The following ZCCHC14 variants were observed in gnomAD, a reference collection of about 807,000 sequenced individuals.
ZCCHC14 encodes the protein zinc finger CCHC domain-containing protein 14.
Under a neutral mutation model 85.0 loss-of-function variants are expected in ZCCHC14, and 16 were observed. That is an observed-to-expected ratio of 0.19 (90% CI 0.13 to 0.29). The LOEUF (loss-of-function observed/expected upper bound fraction) is 0.29. Among genes scored for constraint, ZCCHC14 ranks in the 10% least tolerant of loss-of-function variants. The pLI, the probability that ZCCHC14 is intolerant of heterozygous loss-of-function variation, is 1.00. For missense variants in ZCCHC14, 1,303 were observed against 1,443.5 expected (o/e 0.90, Z 1.58); for synonymous variants, 775 against 630.7 (o/e 1.23, Z -3.43).
intron 2 of ZCCHC14, among the ~76,000 whole-genome samples, chr16:87,450,953 T>C (rs1178163892): frequency 6.6e-6 from 1 of 151,936 alleles, no homozygotes; most frequent in Admixed American, 6.6e-5. Flanking sequence ...AGCTGGAGCG[T>C]AATGGCACGA....
intron 1 of ZCCHC14, among the ~76,000 whole-genome samples, chr16:87,487,346 C>A (rs1221892377): frequency 4.6e-5 from 7 of 152,242 alleles, no homozygotes; most frequent in Admixed American, 3.9e-4. Flanking sequence ...ATTATCCATA[C>A]CCTGAGGATG....
intron 1 of ZCCHC14, among the ~76,000 whole-genome samples, chr16:87,490,163 GATGT>G (rs1236570904): frequency 6.6e-6 from 1 of 152,078 alleles, no homozygotes; most frequent in African/African-American, 2.4e-5. Flanking sequence ...TAAAAAAACC[GATGT>G]ATGTACTACA....
chr16:87,477,812 AAC>A (rs1912089418), intron 1 of ZCCHC14, among the ~76,000 whole-genome samples: 2 of 150,852 alleles, frequency 1.3e-5, no homozygotes, highest in African/African-American at 4.9e-5. Context: ...ACACCTGGGG[AAC>A]ACTCACACGC....
chr16:87,409,845 T>A lies in ZCCHC14; in HGVS notation c.*435A>T, dbSNP rs1488933763. 1 of 156,356 alleles carries A rather than the reference T, an allele frequency of 6.4e-6. No individual in the cohort carries two copies. The highest frequency in any genetic ancestry group is 2.4e-5 in the African/African-American group (1 of 41,548). The allele number at this position is 156,356 out of a possible 1,614,324, so 9.7% of individuals were successfully genotyped here. ...ACTTTAGGAACAGAACAAAACAAAG[T>A]CGACATTTTCCCTAGCCCAGGGGTG... On this transcript the variant is annotated 3_prime_UTR_variant, in exon 13 of 13. Transcript: ENST00000671377.
At chr16:87,435,028 G>GA (rs1281107693) in intron 2 of ZCCHC14, among the ~76,000 whole-genome samples, 121 of 144,554 alleles carry the variant, frequency 8.4e-4, no homozygotes, top group African/African-American at 2.5e-3. Flanking sequence ...CGTTTTTTGG[G>GA]AAAAAAAAAT....
intron 9 of ZCCHC14, among the ~76,000 whole-genome samples, chr16:87,414,976 G>A (rs572306597): frequency 6.6e-6 from 1 of 152,192 alleles, no homozygotes; most frequent in Non-Finnish European, 1.5e-5. Flanking sequence ...CAGGTACTTG[G>A]GAGACTGAGG....
chr16:87,454,390 G>A (rs751287933), intron 2 of ZCCHC14, among the ~76,000 whole-genome samples: 29 of 152,196 alleles, frequency 1.9e-4, no homozygotes, highest in Non-Finnish European at 2.8e-4. Flanking sequence ...CATCCTCAAC[G>A]CAGCCAGAGA....
chr16:87,481,526 C>CGAGGGGGGGGGGGGGGGG (rs1555525655), intron 1 of ZCCHC14, among the ~76,000 whole-genome samples: 1 of 2,434 alleles, frequency 4.1e-4, no homozygotes, highest in Non-Finnish European at 8.0e-4. Flanking sequence ...GGGAGAGAAA[C>CGAGGGGGGGGGGGGGGGG]GGGGGGGGGG....
At chr16:87,453,333 C>T (rs905713968) in intron 2 of ZCCHC14, among the ~76,000 whole-genome samples, 2 of 152,254 alleles carry the variant, frequency 1.3e-5, no homozygotes, top group Admixed American at 1.3e-4. Flanking sequence ...CAGAACAAAA[C>T]ACCCCTCTGA....
At position 87,491,683 on chromosome 16, in the gene ZCCHC14, G is replaced by A; in HGVS notation, c.556C>T (p.Pro186Ser). The change falls in exon 1 of 13, where the codon CCA becomes TCA. Residue 186 changes from proline (P) to serine (S), a missense_variant. Transcript: ENST00000671377. This position sits in a 1 kb window ranked among gnomAD's most constrained non-coding sequence, Gnocchi z 5.9. ...CGGGCACGCACCTTGTGGCAGGCTG[G>A]GCAAGTGGGCAGCGCGCCGCCCGGC... is the stretch of plus-strand genomic sequence containing the variant. ...PGPGGALPTC[P>S]ACHKITPRTE... 7.0e-7 allele frequency: 1 copy of A among 1,419,522 alleles called. No individual in the cohort carries two copies. Among genetic ancestry groups the A allele is most frequent in the Non-Finnish European group, 9.1e-7 (1 of 1,093,078 alleles). 87.9% of individuals were successfully genotyped at this position (1,419,522 alleles called of 1,614,324 possible).
At chr16:87,477,988 T>C (rs1010610781) in intron 1 of ZCCHC14, among the ~76,000 whole-genome samples, 2 of 151,422 alleles carry the variant, frequency 1.3e-5, no homozygotes, top group African/African-American at 4.9e-5. Flanking sequence ...CATCATTGCA[T>C]GCACCTAGAA....
At chr16:87,448,486 G>A (rs754369366) in intron 2 of ZCCHC14, among the ~76,000 whole-genome samples, 27 of 152,132 alleles carry the variant, frequency 1.8e-4, no homozygotes, top group African/African-American at 6.0e-4. Context: ...CTTCCCGTGC[G>A]TACTGAACAT....
intron 3 of ZCCHC14, 43 bp from the exon 4 acceptor site, chr16:87,423,924 C>T: frequency 1.2e-6 from 2 of 1,604,058 alleles, no homozygotes; most frequent in South Asian, 1.1e-5. Flanking sequence ...ACAGACACCA[C>T]ATACTTGGTT....
chr16:87,460,163 T>A (rs1015117737), intron 1 of ZCCHC14, 32 bp from the exon 2 acceptor site: 1 of 1,609,772 alleles, frequency 6.2e-7, no homozygotes, highest in African/African-American at 1.3e-5. Context: ...CATCTTATTT[T>A]CTCCCACGGA....
At position 87,410,040 on chromosome 16, in the gene ZCCHC14, G is replaced by A. The variant is rs537474148; in HGVS notation, c.*240C>T. Reference sequence around the variant, plus strand: ...ACTGCAACCAAAAGTGGAGGTGGCCGATCTCACCAGCCACAGAGATGCCCA... The same window carrying A: ...ACTGCAACCAAAAGTGGAGGTGGCCAATCTCACCAGCCACAGAGATGCCCA... On this transcript the variant is annotated 3_prime_UTR_variant, in exon 13 of 13. Transcript: ENST00000671377. The A allele has an allele frequency of 3.4e-5, 13 of 383,650 alleles. No homozygotes were observed. The East Asian group carries it at 3.6e-4, about 10-fold the overall frequency. The allele number at this position is 383,650 out of a possible 1,614,324, so 23.8% of individuals were successfully genotyped here.
chr16:87,409,238 G>C lies in ZCCHC14; in HGVS notation c.*1042C>G, dbSNP rs919605523. On this transcript the variant is annotated 3_prime_UTR_variant, in exon 13 of 13. Coordinates refer to ENST00000671377, the MANE Select transcript of ZCCHC14 (RefSeq NM_015144.3). The stretch of plus-strand genomic sequence containing the variant: ...CCCAATCTTTTGCTGATAAATGACA[G>C]GACTGTATCATTGTTGAAATGTCTG... 4.6e-5 allele frequency: 7 copies of C among 151,998 alleles called. No individual in the cohort carries two copies. The highest frequency in any genetic ancestry group is 1.7e-4 in the African/African-American group (7 of 41,426). The allele number at this position is 151,998 out of a possible 1,614,324, so 9.4% of individuals were successfully genotyped here.
At chr16:87,443,035 G>A (rs1010197660) in intron 2 of ZCCHC14, among the ~76,000 whole-genome samples, 6 of 152,202 alleles carry the variant, frequency 3.9e-5, no homozygotes, top group Non-Finnish European at 8.8e-5. Flanking sequence ...TGGACCATCA[G>A]GAAGGAAAGA....
chr16:87,436,470 G>A (rs928804144), intron 2 of ZCCHC14, among the ~76,000 whole-genome samples: 1 of 152,248 alleles, frequency 6.6e-6, no homozygotes, highest in Non-Finnish European at 1.5e-5. Context: ...GAGGGGCCGG[G>A]CTAGTGCGGG....
chr16:87,483,513 AG>A (rs773196556), intron 1 of ZCCHC14, among the ~76,000 whole-genome samples: 1 of 152,044 alleles, frequency 6.6e-6, no homozygotes, highest in African/African-American at 2.4e-5. Flanking sequence ...AATTAAAAAA[AG>A]AAAAGACCAA....
Sources: gnomAD v4.1 joint callset for allele counts (sites outside exome capture counted in the v4.1 genomes callset) on GRCh38, gnomAD v4.1.1 for gene constraint, Gnocchi (gnomAD v3.1) non-coding constraint, MANE v1.5 for transcripts, NCBI Gene and HGNC (gene_info 2026-07-23, HGNC 2026-07-21) for gene names.